Variants in MARCHF4 observed in about 807,000 individuals in gnomAD.
The protein encoded by MARCHF4 is membrane associated ring-CH-type finger 4.
In MARCHF4, 14 loss-of-function variants were observed where a neutral mutation model predicts 43.9. The observed-to-expected ratio is 0.32, with a 90% CI of 0.21 to 0.50. The LOEUF is 0.50. Among genes scored for constraint, MARCHF4 ranks in the 20% least tolerant of loss-of-function variants. MARCHF4 has a pLI of 0.98. For synonymous variants in MARCHF4, 226 were observed against 213.3 expected (o/e 1.06, Z -0.52); for missense variants, 468 against 536.7 (o/e 0.87, Z 1.27).
At chr2:216,316,040 TC>T (rs1326627809) in intron 1 of MARCHF4, among the ~76,000 whole-genome samples, 2 of 152,206 alleles carry the variant, frequency 1.3e-5, no homozygotes, top group African/African-American at 2.4e-5. Flanking sequence ...ACAGTCACCA[TC>T]CACATAAGCC....
At chr2:216,295,685 A>C (rs1013041989) in intron 1 of MARCHF4, among the ~76,000 whole-genome samples, 2 of 152,202 alleles carry the variant, frequency 1.3e-5, no homozygotes, top group African/African-American at 2.4e-5. Context: ...TGGCCTTCCC[A>C]GGCACCTCAC....
At chr2:216,324,642 G>T (rs1691957748) in intron 1 of MARCHF4, among the ~76,000 whole-genome samples, 1 of 150,822 alleles carries the variant, frequency 6.6e-6, no homozygotes, top group South Asian at 2.1e-4. Flanking sequence ...TCATCCCTGG[G>T]ATGCAAGGCT....
At chr2:216,355,820 C>T (rs907736705) in intron 1 of MARCHF4, among the ~76,000 whole-genome samples, 3 of 152,198 alleles carry the variant, frequency 2.0e-5, no homozygotes, top group Non-Finnish European at 1.5e-5. Flanking sequence ...CCTGGAGTGC[C>T]TTTTTTCTTC....
At chr2:216,336,968 A>G (rs1692168335) in intron 1 of MARCHF4, among the ~76,000 whole-genome samples, 1 of 151,946 alleles carries the variant, frequency 6.6e-6, no homozygotes, top group Non-Finnish European at 1.5e-5. Flanking sequence ...CCTGGCCAAC[A>G]AGGTGAAACC....
At chr2:216,268,937 A>G (rs1001649273) in intron 3 of MARCHF4, among the ~76,000 whole-genome samples, 1 of 152,228 alleles carries the variant, frequency 6.6e-6, no homozygotes, top group Admixed American at 6.5e-5. Context: ...TATTTGCTAT[A>G]AAATGAGATT....
intron 1 of MARCHF4, among the ~76,000 whole-genome samples, chr2:216,315,214 C>A (rs554540747): frequency 5.3e-5 from 8 of 152,196 alleles, no homozygotes; most frequent in African/African-American, 1.9e-4. Context: ...AACCTTAGAA[C>A]AATAATGACA....
At chr2:216,332,913 G>T (rs191165506) in intron 1 of MARCHF4, among the ~76,000 whole-genome samples, 1 of 152,238 alleles carries the variant, frequency 6.6e-6, no homozygotes, top group East Asian at 1.9e-4. Context: ...GGGTGGTGAG[G>T]GAAAGTTAGT....
At chr2:216,281,142 C>T in intron 2 of MARCHF4, among the ~76,000 whole-genome samples, 1 of 149,364 alleles carries the variant, frequency 6.7e-6, no homozygotes, top group Middle Eastern at 3.2e-3. Context: ...AATCATAGCT[C>T]ACTACAACCT....
chr2:216,348,765 TG>T (rs1692358575), intron 1 of MARCHF4, among the ~76,000 whole-genome samples: 1 of 152,238 alleles, frequency 6.6e-6, no homozygotes, highest in Non-Finnish European at 1.5e-5. Flanking sequence ...AACCCTCTTT[TG>T]GGGTCTGGAT....
At chr2:216,352,374 C>T (rs1692416039) in intron 1 of MARCHF4, among the ~76,000 whole-genome samples, 1 of 152,246 alleles carries the variant, frequency 6.6e-6, no homozygotes, top group South Asian at 2.1e-4. Flanking sequence ...CCAGCAGATG[C>T]TCCAGGGAGG....
At chr2:216,299,657 C>T (rs72942697) in intron 1 of MARCHF4, among the ~76,000 whole-genome samples, 10,216 of 152,262 alleles carry the variant, frequency 0.067, 407 homozygotes, top group Middle Eastern at 0.14. Context: ...CTTCTGGCTC[C>T]GTCATTTACT....
chr2:216,340,571 C>T (rs544078519), intron 1 of MARCHF4, among the ~76,000 whole-genome samples: 1 of 152,182 alleles, frequency 6.6e-6, no homozygotes, highest in Non-Finnish European at 1.5e-5. Flanking sequence ...AGTAGCCCCC[C>T]AGGGCTGCCA....
chr2:216,321,541 C>T (rs1299369939), intron 1 of MARCHF4: 1 of 152,082 alleles, frequency 6.6e-6, no homozygotes, highest in Non-Finnish European at 1.5e-5. Flanking sequence ...TGGAATAATC[C>T]ACCCATTCTG....
rs966614213 is a variant in MARCHF4 at position 216,370,277 on chromosome 2, G to C, written c.-17C>G. 6 of 1,574,834 alleles carry C rather than the reference G, an allele frequency of 3.8e-6. No individual in the cohort carries two copies. Among genetic ancestry groups the C allele is most frequent in the Middle Eastern group, 3.4e-4 (2 of 5,872 alleles). On this transcript the variant is annotated 5_prime_UTR_variant, in exon 1 of 4. Transcript: ENST00000273067. ...CATCAGCATGTGCCCCGTGGAAGTA[G>C]AGAGCCCAAGAGGGGTGGCTGGAGT...
intron 1 of MARCHF4, among the ~76,000 whole-genome samples, chr2:216,315,471 G>A (rs760933514): frequency 4.5e-4 from 68 of 152,208 alleles, no homozygotes; most frequent in Non-Finnish European, 3.4e-4. Context: ...TTAACTATCA[G>A]GATGTTCATT....
intron 2 of MARCHF4, among the ~76,000 whole-genome samples, chr2:216,282,739 G>T (rs1327137446): frequency 6.6e-6 from 1 of 152,196 alleles, no homozygotes; most frequent in Non-Finnish European, 1.5e-5. Flanking sequence ...AGTGGTGGGA[G>T]CAGGCAGAGG....
At chr2:216,352,791 C>T (rs1692421926) in intron 1 of MARCHF4, among the ~76,000 whole-genome samples, 1 of 152,182 alleles carries the variant, frequency 6.6e-6, no homozygotes, top group Non-Finnish European at 1.5e-5. Flanking sequence ...CCTGCCCTCC[C>T]ACAGCACCTT....
At chr2:216,272,575 T>TG (rs1690957401) in intron 3 of MARCHF4, among the ~76,000 whole-genome samples, 3 of 152,246 alleles carry the variant, frequency 2.0e-5, no homozygotes, top group African/African-American at 7.2e-5. Flanking sequence ...TCCAATCCTC[T>TG]GCTCCACCAT....
intron 3 of MARCHF4, among the ~76,000 whole-genome samples, chr2:216,274,751 A>C (rs1690994507): frequency 6.6e-6 from 1 of 152,118 alleles, no homozygotes; most frequent in Non-Finnish European, 1.5e-5. Context: ...CTGAACTGAG[A>C]CTTCTACTCT....
Sources: gnomAD v4.1 joint callset for allele counts (sites outside exome capture counted in the v4.1 genomes callset) on GRCh38, gnomAD v4.1.1 for gene constraint, MANE v1.5 for transcripts, NCBI Gene and HGNC (gene_info 2026-07-23, HGNC 2026-07-21) for gene names.